The following KIR3DL3 variants were observed in gnomAD, a reference collection of about 807,000 sequenced individuals.
KIR3DL3 encodes the protein killer cell immunoglobulin like receptor, three Ig domains and long cytoplasmic tail 3.
A neutral mutation model predicts 34.9 loss-of-function variants in KIR3DL3; 27 were observed. The ratio of observed to expected loss-of-function variants is 0.77; its 90% CI spans 0.57 to 1.07. The LOEUF (loss-of-function observed/expected upper bound fraction) is 1.07, where lower values mean the gene tolerates loss of function less well. KIR3DL3 is among the 50% of genes least tolerant of loss of function. The pLI, the probability that KIR3DL3 is intolerant of heterozygous loss-of-function variation, is 0.00. For missense variants in KIR3DL3, 681 were observed against 528.5 expected (o/e 1.29, Z -2.83); for synonymous variants, 217 against 200.2 (o/e 1.08, Z -0.71).
intron 1 of KIR3DL3, among the ~76,000 whole-genome samples, chr19:54,725,044 G>T (rs1380553624): frequency 7.0e-6 from 1 of 142,186 alleles, no homozygotes; most frequent in Non-Finnish European, 1.5e-5. Flanking sequence ...GTAGATATGG[G>T]CCTGGAGTAG....
At chr19:54,734,664 C>G (rs540303385) in intron 5 of KIR3DL3, among the ~76,000 whole-genome samples, 12 of 147,038 alleles carry the variant, frequency 8.2e-5, no homozygotes, top group African/African-American at 2.3e-4. Context: ...AACACTTGAG[C>G]CTGGGTAACT....
At position 54,729,633 on chromosome 19, in the gene KIR3DL3, C is replaced by T; in HGVS notation, c.796C>T (p.Leu266Phe). 6.2e-7 allele frequency: 1 copy of T among 1,603,032 alleles called. No homozygotes were observed. Among genetic ancestry groups the T allele is most frequent in the Non-Finnish European group, 8.5e-7 (1 of 1,177,338 alleles). Reference sequence around the variant, plus strand: ...GGAGGCGGAGGCCGGTGAACTTAGGCTCACTGCAGTGCTGAGGGTCAATGG... The same window carrying T: ...GGAGGCGGAGGCCGGTGAACTTAGGTTCACTGCAGTGCTGAGGGTCAATGG... ...SREAEAGELR[L>F]TAVLRVNGTF... Residue 266 changes from leucine (L) to phenylalanine (F), a missense_variant, in exon 5 of 8, where the codon CTC (leucine) becomes TTC (phenylalanine). Transcript: ENST00000291860.
At position 54,724,451 on chromosome 19, in the gene KIR3DL3, G is replaced by A. The variant is rs1402055063; in HGVS notation, c.-46G>A. 23 of 1,611,976 alleles carry A rather than the reference G, an allele frequency of 1.4e-5. No individual in the cohort carries two copies. The highest frequency in any genetic ancestry group is 1.3e-5 in the African/African-American group (1 of 74,910). On this transcript the variant is annotated 5_prime_UTR_variant, in exon 1 of 8. Coordinates refer to ENST00000291860, the MANE Select transcript of KIR3DL3 (RefSeq NM_153443.5). Reference sequence around the variant, plus strand: ...AGCCCCTCACAACATCCTGTGTGCTGCTGAACTGAGCTGGGGCGCAGCCGC... The same window carrying A: ...AGCCCCTCACAACATCCTGTGTGCTACTGAACTGAGCTGGGGCGCAGCCGC...
At chr19:54,725,414 C>T in intron 2 of KIR3DL3, 132 bp downstream of exon 2, 1 of 763,640 alleles carries the variant, frequency 1.3e-6, no homozygotes, top group South Asian at 2.6e-5. Flanking sequence ...CTCTCATGAA[C>T]TAGGAAAAGG....
rs139916853 is a variant in KIR3DL3 at position 54,732,258 on chromosome 19, C to CTTT, written c.949+2481_949+2483dup. Among the ~76,000 whole-genome samples the CTTT allele has an allele frequency of 3.7e-3, 549 of 147,188 alleles. 4 individuals are homozygous for CTTT. The highest frequency in any genetic ancestry group is 0.013 in the African/African-American group (517 of 40,030). On this transcript the variant is annotated intron_variant, in intron 5 of 7. Coordinates refer to ENST00000291860, the MANE Select transcript of KIR3DL3 (RefSeq NM_153443.5). ...TGTGTGTGTGTGTGTTTTTTGTTTTCTTTTTTTTTTTGAGTAGAGTCTCTC... is the reference window on the plus strand; with the variant it reads ...TGTGTGTGTGTGTGTTTTTTGTTTTCTTTTTTTTTTTTTTGAGTAGAGTCTCTC...
At chr19:54,726,358 G>A (rs2068184478) in intron 3 of KIR3DL3, 21 bp downstream of exon 3, 2 of 1,607,324 alleles carry the variant, frequency 1.2e-6, no homozygotes, top group East Asian at 4.5e-5. Context: ...TTCTGTCTGG[G>A]CTTCTCACTG....
At position 54,724,993 on chromosome 19, in the gene KIR3DL3, G is replaced by A. The variant is rs531632036; in HGVS notation, c.35-254G>A. Among the ~76,000 whole-genome samples the A allele has an allele frequency of 1.3e-4, 18 of 140,806 alleles. 1 individual carries two copies. The South Asian group carries it at 3.4e-3, about 27-fold the overall frequency. 92.4% of individuals were successfully genotyped at this position (140,806 alleles called of 152,430 possible). ...CTGGAATGGAGACACGGGCCTGGAG[G>A]TGGAGATACAGGCCTGGAGGTGGAG... On this transcript the variant is annotated intron_variant, in intron 1 of 7. Coordinates refer to ENST00000291860, the MANE Select transcript of KIR3DL3 (RefSeq NM_153443.5).
rs1317760055 is a variant in KIR3DL3 at position 54,726,219 on chromosome 19, C to T, written c.237C>T (p.Ser79=). The change falls in exon 3 of 8, where the codon AGC becomes AGT. Residue 79 remains serine (S), a synonymous_variant. Coordinates refer to ENST00000291860, the MANE Select transcript of KIR3DL3 (RefSeq NM_153443.5). ...TCTACAACAGAATATTCCGGAACAG[C>T]TTTCTCATGGGCCCTGTGACCCCAG... ...PELYNRIFRN[S]FLMGPVTPAH... The T allele has an allele frequency of 1.4e-5, 23 of 1,613,856 alleles. No individual in the cohort carries two copies. Among genetic ancestry groups the T allele is most frequent in the Non-Finnish European group, 1.9e-5 (23 of 1,179,940 alleles).
At chr19:54,735,935 A>G in intron 7 of KIR3DL3, 36 bp from the exon 8 acceptor site, 4 of 1,608,128 alleles carry the variant, frequency 2.5e-6, no homozygotes, top group Non-Finnish European at 3.4e-6. Context: ...GGAAAATGTG[A>G]GCACCCTCCC....
At chr19:54,728,330 G>A (rs1462558516) in intron 4 of KIR3DL3, among the ~76,000 whole-genome samples, 1 of 148,080 alleles carries the variant, frequency 6.8e-6, no homozygotes, top group Non-Finnish European at 1.5e-5. Context: ...GTGGCCCCAG[G>A]CTGGTGGCAC....
intron 5 of KIR3DL3, 36 bp from the exon 6 acceptor site, chr19:54,735,217 T>C (rs372627852): frequency 3.6e-6 from 5 of 1,387,870 alleles, no homozygotes; most frequent in Admixed American, 1.7e-5. Flanking sequence ...GGAACTGCTA[T>C]GATTAGCTTC....
rs1320982837 is a variant in KIR3DL3, at chr19:54,726,060, G to A, written c.78G>A (p.Gln26=). Residue 26 remains glutamine (Q), a synonymous_variant, in exon 3 of 8, where the codon CAG becomes CAA. Coordinates refer to ENST00000291860, the MANE Select transcript of KIR3DL3 (RefSeq NM_153443.5). ...TGCCTCCTTCTCCCCCAGGTGGTCA[G>A]GACAAGCCCTTCCTCTCTGCCTGGC... ...LEGPWPHVGG[Q]DKPFLSAWPG... 8 of 1,611,170 alleles carry A rather than the reference G, an allele frequency of 5.0e-6. No individual in the cohort carries two copies. In the African/African-American group the frequency reaches 5.4e-5, roughly 11 times the overall value.
In KIR3DL3 at chr19:54,735,305, CT is replaced by C; in HGVS notation, c.1005del (p.Phe335LeufsTer21). On this transcript the variant is annotated frameshift_variant, in exon 6 of 8. Transcript: ENST00000291860. LOFTEE classifies it high-confidence loss of function. Reference protein sequence around the residue: ...LIGTSVVIIPFAILLFFLLHR... With the variant: ...LIGTSVVIIPXAILLFFLLHR... ...TTGGGACCTCAGTGGTCATCATCCC[CT>C]TTGCTATCCTCCTCTTCTTTCTCCT... 1 of 1,485,530 alleles carries C rather than the reference CT, an allele frequency of 6.7e-7. No individual in the cohort carries two copies. 92.0% of individuals were successfully genotyped at this position (1,485,530 alleles called of 1,614,324 possible).
chr19:54,726,137 G>T lies in KIR3DL3; in HGVS notation c.155G>T (p.Arg52Leu). ...GQHVTLQCRS[R>L]LGFNEFSLSK... ...CATGTGACTCTTCAGTGTCGCTCTC[G>T]TCTTGGGTTTAATGAATTCAGTCTG... Residue 52 changes from arginine to leucine, a missense_variant, in exon 3 of 8, where the codon CGT becomes CTT. Coordinates refer to ENST00000291860, the MANE Select transcript of KIR3DL3 (RefSeq NM_153443.5). 1.9e-6 allele frequency: 3 copies of T among 1,612,924 alleles called. No individual in the cohort carries two copies. The highest frequency in any genetic ancestry group is 1.7e-4 in the Middle Eastern group (1 of 6,058).
intron 5 of KIR3DL3, among the ~76,000 whole-genome samples, chr19:54,730,239 G>C (rs1483876253): frequency 6.6e-6 from 1 of 151,006 alleles, no homozygotes; most frequent in Non-Finnish European, 1.5e-5. Flanking sequence ...CCATTTTTAA[G>C]TGTGAAGTCT....
rs1208256676 is a variant in KIR3DL3, at chr19:54,725,364, G to A, written c.70+82G>A. 72 of 1,065,548 alleles carry A rather than the reference G, an allele frequency of 6.8e-5. 1 individual carries two copies. The highest frequency in any genetic ancestry group is 9.4e-5 in the Non-Finnish European group (71 of 751,908). The allele number at this position is 1,065,548 out of a possible 1,614,324, so 66.0% of individuals were successfully genotyped here. ...GAAACGGGAGGCAGGCGACACAGGGGGTTGACTGATGGGCTGACCATGGGA... is the reference window on the plus strand; with the variant it reads ...GAAACGGGAGGCAGGCGACACAGGGAGTTGACTGATGGGCTGACCATGGGA... On this transcript the variant is annotated intron_variant, in intron 2 of 7. Transcript: ENST00000291860.
chr19:54,729,706 A>C lies in KIR3DL3; in HGVS notation c.869A>C (p.Asn290Thr), dbSNP rs2302422. 0.13 allele frequency: 204,123 copies of C among 1,585,804 alleles called. 13,599 individuals are homozygous for C. The highest frequency in any genetic ancestry group is 0.17 in the African/African-American group (11,988 of 71,176). ...CTGGGCCCTGTGACCCACGGAGGGAACTACAGATGCTTCGGCTCTTTCCGT... is the reference window on the plus strand; with the variant it reads ...CTGGGCCCTGTGACCCACGGAGGGACCTACAGATGCTTCGGCTCTTTCCGT... ...FPLGPVTHGG[N>T]YRCFGSFRAL... is the part of the protein sequence containing the mutation. The change falls in exon 5 of 8, where the codon AAC becomes ACC. Residue 290 changes from asparagine (N) to threonine (T), a missense_variant. Transcript: ENST00000291860.
intron 4 of KIR3DL3, 116 bp from the exon 5 acceptor site, chr19:54,729,375 TGA>T: frequency 7.1e-6 from 8 of 1,134,236 alleles, no homozygotes; most frequent in Non-Finnish European, 9.8e-6. Flanking sequence ...GGGTGGAGGG[TGA>T]GAGAGAGAAA....
chr19:54,735,371 A>G lies in KIR3DL3; in HGVS notation c.1054+14A>G. On this transcript the variant is annotated intron_variant, in intron 6 of 7. Coordinates refer to ENST00000291860, the MANE Select transcript of KIR3DL3 (RefSeq NM_153443.5). ...CCAACAAAAAGAGTAAGTCTCACGAAGCAGAAGCCAGAGAGCTCAGGGCCA... is the reference window on the plus strand; with the variant it reads ...CCAACAAAAAGAGTAAGTCTCACGAGGCAGAAGCCAGAGAGCTCAGGGCCA... The G allele has an allele frequency of 8.1e-7, 1 of 1,227,278 alleles. No homozygotes were observed. Among genetic ancestry groups the G allele is most frequent in the Non-Finnish European group, 1.2e-6 (1 of 832,530 alleles). 76.0% of individuals were successfully genotyped at this position (1,227,278 alleles called of 1,614,324 possible). A position where few individuals can be genotyped will look rare whatever the true frequency, so the allele number is the denominator to read the frequency against.
Sources: gnomAD v4.1 joint callset for allele counts (sites outside exome capture counted in the v4.1 genomes callset) on GRCh38, gnomAD v4.1.1 for gene constraint, MANE v1.5 for transcripts, NCBI Gene and HGNC (gene_info 2026-07-23, HGNC 2026-07-21) for gene names.